CAPZB: variants seen among roughly 807,000 people sequenced by gnomAD.
CAPZB encodes F-actin-capping protein subunit beta.
A neutral mutation model predicts 38.1 loss-of-function variants in CAPZB; 2 were observed. That is an observed-to-expected ratio of 0.05 (90% CI 0.02 to 0.17). The LOEUF (loss-of-function observed/expected upper bound fraction) is 0.17. CAPZB is among the 10% of genes least tolerant of loss of function. The pLI is 1.00. For missense variants in CAPZB, 161 were observed against 334.2 expected (o/e 0.48, Z 4.04); for synonymous variants, 107 against 127.4 (o/e 0.84, Z 1.08).
intron 1 of CAPZB, among the ~76,000 whole-genome samples, chr1:19,446,625 C>CAA (rs5772845): frequency 2.5e-4 from 38 of 151,662 alleles, no homozygotes; most frequent in East Asian, 1.9e-3. Flanking sequence ...TGCTCCACGG[C>CAA]AAAAAAAACT....
chr1:19,369,750 A>G (rs1377783604), intron 4 of CAPZB, among the ~76,000 whole-genome samples: 1 of 152,242 alleles, frequency 6.6e-6, no homozygotes, highest in Non-Finnish European at 1.5e-5. Flanking sequence ...CTGAAGGGAC[A>G]GGGAGTGAAG....
chr1:19,393,235 G>A (rs896671710), intron 2 of CAPZB, among the ~76,000 whole-genome samples: 3 of 152,232 alleles, frequency 2.0e-5, no homozygotes, highest in East Asian at 1.9e-4. Flanking sequence ...CTGCACAGGC[G>A]GCAGCTTCGC....
At position 19,356,533 on chromosome 1, in the gene CAPZB, A is replaced by C; in HGVS notation, c.588+102T>G. ...ATGGTGGATTTATAGCTGGCTGAAC[A>C]TGCTTACCCTAAATGGGGCACCTGC... On this transcript the variant is annotated intron_variant, in intron 6 of 8. Coordinates refer to ENST00000264202, the MANE Select transcript of CAPZB (RefSeq NM_004930.5). The surrounding 1 kb of genome is among the most constrained non-coding windows in gnomAD (Gnocchi z 4.3). 4 of 798,018 alleles carry C rather than the reference A, an allele frequency of 5.0e-6. No individual in the cohort carries two copies. In the East Asian group the frequency reaches 9.7e-5, roughly 19 times the overall value. The allele number at this position is 798,018 out of a possible 1,614,324, so 49.4% of individuals were successfully genotyped here.
intron 1 of CAPZB, among the ~76,000 whole-genome samples, chr1:19,442,009 C>CAAAACAAAAAAAAAAAA (rs1553287699): frequency 1.2e-5 from 1 of 86,058 alleles, no homozygotes; most frequent in Non-Finnish European, 2.1e-5. Context: ...ACTCTGTCTC[C>CAAAACAAAAAAAAAAAA]AAAAAAAAAA....
chr1:19,484,296 G>A, intron 1 of CAPZB: 2 of 1,607,556 alleles, frequency 1.2e-6, no homozygotes, highest in Non-Finnish European at 1.7e-6. Flanking sequence ...CAGGCCATAT[G>A]CTGGATCCAG....
At chr1:19,371,622 G>A (rs761091029) in intron 4 of CAPZB, among the ~76,000 whole-genome samples, 1 of 152,160 alleles carries the variant, frequency 6.6e-6, no homozygotes, top group African/African-American at 2.4e-5. Flanking sequence ...CGCCATGGGT[G>A]AGGGTCAGAG....
intron 4 of CAPZB, among the ~76,000 whole-genome samples, chr1:19,366,305 T>TATATATATATATATATATATATAA (rs1396564571): frequency 1.7e-4 from 17 of 97,580 alleles, no homozygotes; most frequent in African/African-American, 7.9e-4. Context: ...TATATATATA[T>TATATATATATATATATATATATAA]ATATAAATAA....
chr1:19,344,173 G>A (rs189395806), intron 8 of CAPZB, among the ~76,000 whole-genome samples, 185 bp downstream of exon 8: 95 of 152,272 alleles, frequency 6.2e-4, no homozygotes, highest in African/African-American at 1.7e-3. Flanking sequence ...CAGCTGCTAC[G>A]GAGAGTGCAG....
At chr1:19,390,596 T>A (rs2094228162) in intron 2 of CAPZB, among the ~76,000 whole-genome samples, 1 of 151,722 alleles carries the variant, frequency 6.6e-6, no homozygotes, top group African/African-American at 2.4e-5. Context: ...GCCACAGGAG[T>A]GTGCCCACCC....
At position 19,338,966 on chromosome 1, in the gene CAPZB, C is replaced by CT. The variant is rs1558162029; in HGVS notation, c.*563_*564insA. ...GAAGAGCGGAACGGTCGGCGGCACC[C>CT]CCCCCAGCCCCCACCCCGCGGCCTC... On this transcript the variant is annotated 3_prime_UTR_variant, in exon 9 of 9. Transcript: ENST00000264202. The CT allele has an allele frequency of 6.6e-6, 1 of 152,614 alleles. No homozygotes were observed. Among genetic ancestry groups the CT allele is most frequent in the African/African-American group, 2.4e-5 (1 of 41,496 alleles). 9.5% of individuals were successfully genotyped at this position (152,614 alleles called of 1,614,324 possible).
At position 19,391,635 on chromosome 1, in the gene CAPZB, C is replaced by T. The variant is rs114357010; in HGVS notation, c.94-6009G>A. On this transcript the variant is annotated intron_variant, in intron 2 of 8. Coordinates refer to ENST00000264202, the MANE Select transcript of CAPZB (RefSeq NM_004930.5). ...GTCAGAAACAAAATATACAGTGTGGCATTCTGTAAAAACACCAACCTCGAA... is the reference window on the plus strand; with the variant it reads ...GTCAGAAACAAAATATACAGTGTGGTATTCTGTAAAAACACCAACCTCGAA... Among the ~76,000 whole-genome samples, 356 of 152,338 alleles carry T rather than the reference C, an allele frequency of 2.3e-3. 1 individual carries two copies. The highest frequency in any genetic ancestry group is 8.3e-3 in the African/African-American group (344 of 41,578).
chr1:19,382,566 A>G (rs962200809), intron 3 of CAPZB, among the ~76,000 whole-genome samples: 1 of 152,196 alleles, frequency 6.6e-6, no homozygotes, highest in Non-Finnish European at 1.5e-5. Context: ...GAGGAGAAAG[A>G]AAGACATACT....
chr1:19,342,753 T>C, intron 8 of CAPZB: 1 of 1,601,614 alleles, frequency 6.2e-7, no homozygotes, highest in Non-Finnish European at 8.5e-7. Flanking sequence ...GCAGGGTACC[T>C]GGATCGGCTT....
chr1:19,407,816 G>A (rs1413832643), intron 2 of CAPZB, among the ~76,000 whole-genome samples: 1 of 152,154 alleles, frequency 6.6e-6, no homozygotes, highest in Admixed American at 6.5e-5. Context: ...AGCAGAAGCA[G>A]GAAGAAAAGT....
intron 3 of CAPZB, among the ~76,000 whole-genome samples, chr1:19,385,242 G>A (rs1265560537): frequency 6.6e-6 from 1 of 152,170 alleles, no homozygotes; most frequent in Non-Finnish European, 1.5e-5. Flanking sequence ...TGAAGGCAGG[G>A]GGCCTTTGGT....
chr1:19,454,683 CTGTAA>C, intron 1 of CAPZB, among the ~76,000 whole-genome samples: 1 of 152,322 alleles, frequency 6.6e-6, no homozygotes, highest in East Asian at 1.9e-4. Flanking sequence ...GCAGTCTGTA[CTGTAA>C]TGCCAAAGGC....
At chr1:19,343,013 A>T in intron 8 of CAPZB, 1 of 656,828 alleles carries the variant, frequency 1.5e-6, no homozygotes, top group Non-Finnish European at 2.8e-6. Context: ...GTGGAGTGGT[A>T]TCGCCGCTGC....
At chr1:19,379,669 T>A (rs1186796575) in intron 3 of CAPZB, among the ~76,000 whole-genome samples, 1 of 152,210 alleles carries the variant, frequency 6.6e-6, no homozygotes, top group Non-Finnish European at 1.5e-5. Flanking sequence ...TGAGAACCAG[T>A]CTTTTTGCAG....
chr1:19,376,464 G>T (rs899109737), intron 4 of CAPZB, among the ~76,000 whole-genome samples: 1 of 152,196 alleles, frequency 6.6e-6, no homozygotes, highest in Non-Finnish European at 1.5e-5. Context: ...GAGGCTGAGG[G>T]TGTGCACTTG....
Sources: allele counts gnomAD v4.1 joint callset (sites outside exome capture counted in the v4.1 genomes callset), GRCh38; gene constraint gnomAD v4.1.1; non-coding constraint Gnocchi (gnomAD v3.1); transcripts MANE v1.5; gene names NCBI Gene and HGNC (gene_info 2026-07-23, HGNC 2026-07-21).